Variants in MYT1L observed in about 807,000 individuals in gnomAD.
The protein encoded by MYT1L is myelin transcription factor 1-like protein.
MYT1L carries 12 observed loss-of-function variants against 126.7 expected under a neutral mutation model. The ratio of observed to expected loss-of-function variants is 0.09; its 90% confidence interval spans 0.06 to 0.15. MYT1L has a LOEUF of 0.15. MYT1L is among the 10% of genes least tolerant of loss of function. The probability of loss-of-function intolerance (pLI) is 1.00; values close to 1 mark genes in which losing one functional copy is unlikely to be tolerated. For missense variants in MYT1L, 979 were observed against 1,585.2 expected (o/e 0.62, Z 6.49); for synonymous variants, 541 against 604.2 (o/e 0.90, Z 1.53).
At chr2:1,964,891 C>G (rs886238097) in intron 8 of MYT1L, among the ~76,000 whole-genome samples, 14 of 152,090 alleles carry the variant, frequency 9.2e-5, no homozygotes, top group African/African-American at 3.4e-4. Flanking sequence ...CTTGGGGTCA[C>G]GGGCAAGGAA....
intron 3 of MYT1L, among the ~76,000 whole-genome samples, chr2:2,112,868 C>T (rs2079642954): frequency 6.6e-6 from 1 of 152,226 alleles, no homozygotes; most frequent in South Asian, 2.1e-4. Flanking sequence ...CCGCGAGTCG[C>T]ACAGTGGTGC....
intron 22 of MYT1L, among the ~76,000 whole-genome samples, chr2:1,802,237 G>A (rs2034985676): frequency 2.0e-5 from 3 of 152,150 alleles, no homozygotes; most frequent in African/African-American, 7.2e-5. Context: ...CTGCAGGTAC[G>A]TTCACCAACA....
intron 3 of MYT1L, among the ~76,000 whole-genome samples, chr2:2,095,487 G>GT (rs2077348037): frequency 6.6e-6 from 1 of 152,164 alleles, no homozygotes. Context: ...CCCTGCTTGG[G>GT]TTGGAGACAC....
chr2:1,941,155 A>T (rs189128052), intron 9 of MYT1L, among the ~76,000 whole-genome samples: 1 of 152,366 alleles, frequency 6.6e-6, no homozygotes, highest in East Asian at 1.9e-4. Flanking sequence ...AGAAATATTT[A>T]CATTTGACCA....
intron 3 of MYT1L, among the ~76,000 whole-genome samples, chr2:2,089,088 T>C (rs1575090545): frequency 6.6e-6 from 1 of 152,298 alleles, no homozygotes; most frequent in Middle Eastern, 3.4e-3. Flanking sequence ...AAAAACTGAT[T>C]TCACAAAAAA....
chr2:1,957,934 G>A (rs970976112), intron 8 of MYT1L, among the ~76,000 whole-genome samples: 3 of 152,158 alleles, frequency 2.0e-5, no homozygotes, highest in Non-Finnish European at 2.9e-5. Context: ...CTGTTTTGCT[G>A]AAAAGGCTTC....
chr2:2,034,263 G>A (rs2066760053), intron 4 of MYT1L, among the ~76,000 whole-genome samples: 1 of 151,912 alleles, frequency 6.6e-6, no homozygotes, highest in Non-Finnish European at 1.5e-5. Flanking sequence ...TCATGCGGGT[G>A]CAGAAGAGAG....
chr2:2,152,206 C>A (rs1296823752), intron 3 of MYT1L, among the ~76,000 whole-genome samples: 1 of 152,256 alleles, frequency 6.6e-6, no homozygotes, highest in East Asian at 1.9e-4. Flanking sequence ...GACCTGATCA[C>A]CTGGGCAGCC....
rs768117387 is a variant in MYT1L, at chr2:1,892,121, G to A, written c.2199C>T (p.Ala733=). The change falls in exon 15 of 25, where the codon GCC becomes GCT. Residue 733 remains alanine (A), a synonymous_variant. Coordinates refer to ENST00000647738, the MANE Select transcript of MYT1L (RefSeq NM_001303052.2). ...THDMEAAHMA[A]TAILNLSTRC... ...GCGTGGACAGGTTGAGGATGGCGGTGGCCGCCATGTGGGCCGCCTCCATGT... is the reference window on the plus strand; with the variant it reads ...GCGTGGACAGGTTGAGGATGGCGGTAGCCGCCATGTGGGCCGCCTCCATGT... 8 of 1,546,692 alleles carry A rather than the reference G, an allele frequency of 5.2e-6. No homozygotes were observed. In the African/African-American group the frequency reaches 1.1e-4, roughly 21 times the overall value.
intron 2 of MYT1L, among the ~76,000 whole-genome samples, chr2:2,212,208 A>T (rs185375240): frequency 1.5e-3 from 212 of 142,164 alleles, no homozygotes; most frequent in African/African-American, 5.3e-3. Flanking sequence ...ATACCTTTGA[A>T]TCCCCTGAAA....
At chr2:1,838,395 C>T (rs1271876071) in intron 21 of MYT1L, among the ~76,000 whole-genome samples, 2 of 152,096 alleles carry the variant, frequency 1.3e-5, no homozygotes, top group East Asian at 1.9e-4. Flanking sequence ...GGATTTGAGG[C>T]GCAGGTGTGA....
At chr2:2,218,459 A>G (rs189474283) in intron 2 of MYT1L, among the ~76,000 whole-genome samples, 156 of 152,308 alleles carry the variant, frequency 1.0e-3, no homozygotes, top group Admixed American at 2.2e-3. Context: ...GCAAGAATAC[A>G]GGAAAAACTA....
chr2:2,025,649 C>T (rs1027568831), intron 4 of MYT1L, among the ~76,000 whole-genome samples: 4 of 152,160 alleles, frequency 2.6e-5, no homozygotes, highest in South Asian at 4.1e-4. Flanking sequence ...CCCAAGTCTT[C>T]CTGAGCACGT....
At chr2:2,118,412 T>C (rs2080511645) in intron 3 of MYT1L, among the ~76,000 whole-genome samples, 1 of 152,216 alleles carries the variant, frequency 6.6e-6, no homozygotes, top group Non-Finnish European at 1.5e-5. Context: ...ACACTGATAT[T>C]AATGATTTCT....
At chr2:2,072,341 C>T (rs1240943490) in intron 3 of MYT1L, among the ~76,000 whole-genome samples, 1 of 152,200 alleles carries the variant, frequency 6.6e-6, no homozygotes, top group Non-Finnish European at 1.5e-5. Context: ...CAATGAATTT[C>T]ATATTTGTGA....
At chr2:2,178,475 T>C (rs567229890) in intron 2 of MYT1L, among the ~76,000 whole-genome samples, 22 of 152,214 alleles carry the variant, frequency 1.4e-4, no homozygotes, top group Non-Finnish European at 2.6e-4. Flanking sequence ...CAAAGAAAAA[T>C]AGAGGCAATT....
Position 1,871,661 on chromosome 2 carries a change from G to C in MYT1L, c.2711+14878C>G, listed in dbSNP as rs142840363. Among the ~76,000 whole-genome samples, 405 of 152,312 alleles carry C rather than the reference G, an allele frequency of 2.7e-3. 1 individual carries two copies. Among genetic ancestry groups the C allele is most frequent in the African/African-American group, 9.3e-3 (386 of 41,592 alleles). On this transcript the variant is annotated intron_variant, in intron 18 of 24. Transcript: ENST00000647738. ...TCTCACAGGGCAGATGCCCGGCCCA[G>C]CTGCTCCCCAGGCTCTCAGGCCACC... is the stretch of plus-strand genomic sequence containing the variant.
At chr2:1,829,966 T>A (rs1032143921) in intron 21 of MYT1L, among the ~76,000 whole-genome samples, 1 of 152,194 alleles carries the variant, frequency 6.6e-6, no homozygotes, top group African/African-American at 2.4e-5. Context: ...GAGTCAATGG[T>A]GCAGGAAAAC....
In MYT1L at chr2:2,021,004, G is replaced by A. The variant is rs150478407; in HGVS notation, c.-157-23657C>T. Among the ~76,000 whole-genome samples, 110 of 152,296 alleles carry A rather than the reference G, an allele frequency of 7.2e-4. 1 individual carries two copies. In the East Asian group the frequency reaches 0.018, roughly 25 times the overall value. On this transcript the variant is annotated intron_variant, in intron 4 of 24. Coordinates refer to ENST00000647738, the MANE Select transcript of MYT1L (RefSeq NM_001303052.2). ...CTGTGAACTGCACAGGTGAGTCTGC[G>A]TCCTCAGGGTCCCTCTCTGCTTAGT...
Sources: gnomAD v4.1 joint callset for allele counts (sites outside exome capture counted in the v4.1 genomes callset) on GRCh38, gnomAD v4.1.1 for gene constraint, MANE v1.5 for transcripts, NCBI Gene and HGNC (gene_info 2026-07-23, HGNC 2026-07-21) for gene names.